The following CHRM3 variants were observed in gnomAD, a reference collection of about 807,000 sequenced individuals.
CHRM3 encodes the protein muscarinic acetylcholine receptor M3.
CHRM3 carries 11 observed loss-of-function variants against 41.8 expected under a neutral mutation model. The observed-to-expected ratio is 0.26, with a 90% CI of 0.17 to 0.44. The LOEUF is 0.44. CHRM3 is among the 20% of genes least tolerant of loss of function. The probability of loss-of-function intolerance (pLI) is 1.00; values close to 1 mark genes in which losing one functional copy is unlikely to be tolerated. For synonymous variants in CHRM3, 297 were observed against 301.4 expected (o/e 0.99, Z 0.15); for missense variants, 571 against 745.4 (o/e 0.77, Z 2.72).
At chr1:239,747,103 G>C (rs528407093) in intron 5 of CHRM3, among the ~76,000 whole-genome samples, 17 of 151,960 alleles carry the variant, frequency 1.1e-4, no homozygotes. Flanking sequence ...GAAGTTTGAT[G>C]AATAATTAAA....
chr1:239,458,258 T>C (rs1461015037), intron 1 of CHRM3, among the ~76,000 whole-genome samples: 1 of 152,184 alleles, frequency 6.6e-6, no homozygotes, highest in East Asian at 1.9e-4. Context: ...CATAAACTTT[T>C]ATCTATTAAC....
chr1:239,779,371 T>C (rs906605325), intron 5 of CHRM3, among the ~76,000 whole-genome samples: 1 of 152,208 alleles, frequency 6.6e-6, no homozygotes, highest in Non-Finnish European at 1.5e-5. Flanking sequence ...TGTTGTATAT[T>C]CTATGGGTTC....
intron 3 of CHRM3, among the ~76,000 whole-genome samples, chr1:239,583,476 A>T (rs1245490840): frequency 6.6e-6 from 1 of 152,162 alleles, no homozygotes; most frequent in Non-Finnish European, 1.5e-5. Context: ...AAAGTTTTAG[A>T]CAATGTAGTT....
chr1:239,874,955 T>C (rs994760993), intron 6 of CHRM3, among the ~76,000 whole-genome samples: 2 of 152,134 alleles, frequency 1.3e-5, no homozygotes, highest in East Asian at 3.9e-4. Flanking sequence ...CACCTCAGCC[T>C]CCCAAAGTGC....
intron 5 of CHRM3, among the ~76,000 whole-genome samples, chr1:239,773,725 G>A (rs1489819019): frequency 6.6e-6 from 1 of 152,224 alleles, no homozygotes; most frequent in Non-Finnish European, 1.5e-5. Context: ...AGGGAAATAA[G>A]ATGAAGATGG....
intron 5 of CHRM3, among the ~76,000 whole-genome samples, chr1:239,815,726 G>A (rs1241874621): frequency 1.3e-5 from 2 of 152,198 alleles, no homozygotes; most frequent in Non-Finnish European, 2.9e-5. Flanking sequence ...AATGAGCAGA[G>A]GTAAATTGAC....
intron 6 of CHRM3, among the ~76,000 whole-genome samples, chr1:239,867,442 C>T (rs1676209588): frequency 6.6e-6 from 1 of 152,174 alleles, no homozygotes; most frequent in Non-Finnish European, 1.5e-5. Flanking sequence ...AATCCCAGCA[C>T]TTTGGGAAGC....
Position 239,595,390 on chromosome 1 carries a change from C to A in CHRM3, c.-312-36834C>A, listed in dbSNP as rs368432011. ...ATGACTGTAGTATTATTTTGAGTAACTGAAAGAAGAGTGTGTCTGCAAAAT... is the reference window on the plus strand; with the variant it reads ...ATGACTGTAGTATTATTTTGAGTAAATGAAAGAAGAGTGTGTCTGCAAAAT... On this transcript the variant is annotated intron_variant, in intron 3 of 6. Transcript: ENST00000676153. Among the ~76,000 whole-genome samples the A allele has an allele frequency of 3.3e-5, 5 of 152,206 alleles. No homozygotes were observed. In the East Asian group the frequency reaches 9.7e-4, roughly 29 times the overall value.
At chr1:239,766,641 G>A (rs1278237561) in intron 5 of CHRM3, among the ~76,000 whole-genome samples, 1 of 150,732 alleles carries the variant, frequency 6.6e-6, no homozygotes, top group African/African-American at 2.5e-5. Context: ...CATAAATATA[G>A]ATAGATATAG....
At chr1:239,873,876 C>T (rs552894881) in intron 6 of CHRM3, among the ~76,000 whole-genome samples, 13 of 152,252 alleles carry the variant, frequency 8.5e-5, no homozygotes, top group Admixed American at 3.9e-4. Context: ...TGAAGTCCCC[C>T]CTCTCCTCCT....
chr1:239,674,862 T>C (rs780746872), intron 4 of CHRM3, among the ~76,000 whole-genome samples: 60 of 152,300 alleles, frequency 3.9e-4, no homozygotes, highest in Admixed American at 1.0e-3. Flanking sequence ...GGTGTCTCCT[T>C]TACAAGACTG....
rs372702109 is a variant in CHRM3, at chr1:239,665,767, G to A, written c.-249-12419G>A. Among the ~76,000 whole-genome samples, 28 of 152,110 alleles carry A rather than the reference G, an allele frequency of 1.8e-4. No individual in the cohort carries two copies. In the South Asian group the frequency reaches 4.2e-3, roughly 23 times the overall value. ...CTCCTACTTATGAGTGGGAACTTGC[G>A]GTGTTTCGTTTTCTGTTCTGTTAGT... On this transcript the variant is annotated intron_variant, in intron 4 of 6. Transcript: ENST00000676153.
intron 4 of CHRM3, among the ~76,000 whole-genome samples, chr1:239,646,557 A>G (rs1269234721): frequency 6.6e-6 from 1 of 152,208 alleles, no homozygotes; most frequent in Non-Finnish European, 1.5e-5. Flanking sequence ...CTTCAGGGAC[A>G]TAGAGATACC....
chr1:239,657,005 C>A (rs530816707), intron 4 of CHRM3, among the ~76,000 whole-genome samples: 1 of 152,238 alleles, frequency 6.6e-6, no homozygotes, highest in Non-Finnish European at 1.5e-5. Flanking sequence ...AGCAACTAAT[C>A]TTTGCTGTCA....
chr1:239,565,691 A>G (rs1558323772), intron 3 of CHRM3, among the ~76,000 whole-genome samples: 1 of 152,164 alleles, frequency 6.6e-6, no homozygotes, highest in Non-Finnish European at 1.5e-5. Context: ...AAGTTTCACA[A>G]TTAGATGAAT....
chr1:239,416,879 G>C (rs1373892390), intron 1 of CHRM3, among the ~76,000 whole-genome samples: 3 of 152,170 alleles, frequency 2.0e-5, no homozygotes, highest in African/African-American at 7.2e-5. Context: ...CACCATAGTT[G>C]GTGAGGATGG....
chr1:239,855,233 CAA>C (rs1675010085), intron 6 of CHRM3, among the ~76,000 whole-genome samples: 2 of 152,096 alleles, frequency 1.3e-5, no homozygotes, highest in Non-Finnish European at 2.9e-5. Flanking sequence ...AGGATAATCA[CAA>C]AGTCATCATG....
At chr1:239,647,596 A>G (rs1671851682) in intron 4 of CHRM3, among the ~76,000 whole-genome samples, 1 of 152,116 alleles carries the variant, frequency 6.6e-6, no homozygotes, top group Non-Finnish European at 1.5e-5. Context: ...CCTTCAGTCC[A>G]ATGACTCAAA....
chr1:239,423,121 A>C (rs1258901752), intron 1 of CHRM3, among the ~76,000 whole-genome samples: 1 of 152,224 alleles, frequency 6.6e-6, no homozygotes. Flanking sequence ...ACAGCATGTC[A>C]GAAGCATGTG....
Sources: gnomAD v4.1 joint callset for allele counts (sites outside exome capture counted in the v4.1 genomes callset) on GRCh38, gnomAD v4.1.1 for gene constraint, MANE v1.5 for transcripts, NCBI Gene and HGNC (gene_info 2026-07-23, HGNC 2026-07-21) for gene names.